Variants in EPS8L2 observed in about 807,000 individuals in gnomAD.
EPS8L2 encodes epidermal growth factor receptor kinase substrate 8-like protein 2.
Under a neutral mutation model 99.4 loss-of-function variants are expected in EPS8L2, and 81 were observed. The observed-to-expected ratio is 0.82, with a 90% CI of 0.68 to 0.98. EPS8L2 has a LOEUF of 0.98. Ranked by LOEUF, EPS8L2 falls within the 50% of genes least tolerant of loss-of-function variation. The pLI, the probability that EPS8L2 is intolerant of heterozygous loss-of-function variation, is 0.00. For missense variants in EPS8L2, 1,155 were observed against 968.8 expected, an observed-to-expected ratio of 1.19 and a Z score of -2.55; for synonymous variants, 509 against 407.3, an observed-to-expected ratio of 1.25 and a Z score of -3.01.
chr11:711,595 C>G (rs1160198508), intron 4 of EPS8L2, among the ~76,000 whole-genome samples: 2 of 152,046 alleles, frequency 1.3e-5, no homozygotes, highest in African/African-American at 2.4e-5. Flanking sequence ...CAATCCTCCC[C>G]CCTCCTAGCC....
rs193111304 is a variant in EPS8L2 at position 715,916 on chromosome 11, G to A, written c.166-4146G>A. On this transcript the variant is annotated intron_variant, in intron 4 of 20. Coordinates refer to ENST00000318562, the MANE Select transcript of EPS8L2 (RefSeq NM_022772.4). ...ATTACAGGCATGAGCCACCGCGCCC[G>A]GCATTGATTCACTTTTCCTACCTGC... 4.1e-4 allele frequency among the ~76,000 whole-genome samples: 62 copies of A among 150,690 alleles called. 1 individual carries two copies. Among genetic ancestry groups the A allele is most frequent in the Admixed American group, 1.8e-3 (27 of 15,048 alleles).
At chr11:723,887 G>A (rs1487942022) in intron 15 of EPS8L2, among the ~76,000 whole-genome samples, 2 of 151,994 alleles carry the variant, frequency 1.3e-5, no homozygotes, top group Non-Finnish European at 2.9e-5. Flanking sequence ...TGCATGGGAA[G>A]CCCCTGACCC....
At chr11:723,184 C>G in intron 14 of EPS8L2, 57 bp from the exon 15 acceptor site, 1 of 863,730 alleles carries the variant, frequency 1.2e-6, no homozygotes, top group Non-Finnish European at 1.9e-6. Flanking sequence ...TATGCCCCCT[C>G]GTCCTGGGAC....
chr11:709,443 T>A lies in EPS8L2; in HGVS notation c.36T>A (p.Gly12=). ...CCGGGGCCGTGAGCTGCTGCCCGGG[T>A]GCCACCAAGTGAGCCCTCCCACCCA... ...SQSGAVSCCP[G]ATNGSLGRSD... The change falls in exon 2 of 21, where the codon GGT becomes GGA. Residue 12 remains glycine, a synonymous_variant. Transcript: ENST00000318562. 6.3e-7 allele frequency: 1 copy of A among 1,597,458 alleles called. No individual in the cohort carries two copies. The highest frequency in any genetic ancestry group is 1.1e-5 in the South Asian group (1 of 88,230).
Position 726,670 on chromosome 11 carries a change from C to T in EPS8L2, c.1986C>T (p.Asn662=). The stretch of plus-strand genomic sequence containing the variant: ...CCGGGCCGCAGCTCTTCTCCCTCAA[C>T]AAGGAGGAGCTGAAGAAAGTGTGCG... ...ILTGPQLFSL[N]KEELKKVCGE... The change falls in exon 20 of 21, where the codon AAC becomes AAT. Residue 662 remains asparagine, a synonymous_variant. Coordinates refer to ENST00000318562, the MANE Select transcript of EPS8L2 (RefSeq NM_022772.4). 4 of 1,573,284 alleles carry T rather than the reference C, an allele frequency of 2.5e-6. No individual in the cohort carries two copies. The East Asian group carries it at 6.9e-5, about 27-fold the overall frequency.
chr11:709,944 A>C (rs1590046108), intron 3 of EPS8L2: 4 of 423,604 alleles, frequency 9.4e-6, no homozygotes, highest in South Asian at 5.6e-5. Flanking sequence ...GCCAGCCCCC[A>C]CCTCCCCCCA....
At chr11:721,759 G>A (rs760196051) in intron 10 of EPS8L2, 68 bp downstream of exon 10, 11 of 1,551,370 alleles carry the variant, frequency 7.1e-6, no homozygotes, top group Admixed American at 3.6e-5. Context: ...GGACAGGGAC[G>A]GGGACGGGGC....
intron 4 of EPS8L2, 104 bp from the exon 5 acceptor site, chr11:719,958 A>T: frequency 8.6e-7 from 1 of 1,165,372 alleles, no homozygotes; most frequent in Non-Finnish European, 1.2e-6. Flanking sequence ...CCCCCTACCC[A>T]GGGTTGGCTG....
At chr11:714,753 T>C (rs941997920) in intron 4 of EPS8L2, among the ~76,000 whole-genome samples, 5 of 152,104 alleles carry the variant, frequency 3.3e-5, no homozygotes, top group African/African-American at 9.7e-5. Context: ...AATCCTCATT[T>C]ATTCCAAGTG....
At chr11:707,604 C>T (rs1009564039) in intron 1 of EPS8L2, among the ~76,000 whole-genome samples, 1 of 152,196 alleles carries the variant, frequency 6.6e-6, no homozygotes, top group African/African-American at 2.4e-5. Flanking sequence ...AGAAGCCTCC[C>T]CAGGGGGGCG....
intron 19 of EPS8L2, 34 bp downstream of exon 19, chr11:726,518 G>A (rs1182109455): frequency 6.6e-7 from 1 of 1,523,198 alleles, no homozygotes; most frequent in Non-Finnish European, 8.8e-7. Context: ...TGGGGCCCGG[G>A]CGAGGGGTGG....
intron 12 of EPS8L2, 28 bp downstream of exon 12, chr11:722,193 G>T (rs112682907): frequency 2.5e-6 from 4 of 1,605,530 alleles, no homozygotes; most frequent in Non-Finnish European, 3.4e-6. Flanking sequence ...GCAGGGGCGC[G>T]CAGGGTGGGG....
At position 721,908 on chromosome 11, in the gene EPS8L2, G is replaced by C. The variant is rs534982611; in HGVS notation, c.901G>C (p.Val301Leu). ...CGCGGTGCCTCCCATGCCAGAGGGCGTCCTCACACTGCGGGCACGGCCCCC... is the reference window on the plus strand; with the variant it reads ...CGCGGTGCCTCCCATGCCAGAGGGCCTCCTCACACTGCGGGCACGGCCCCC... Reference protein sequence around the residue: ...KKGKKAPAEGVLTLRARPPSE... With the variant: ...KKGKKAPAEGLLTLRARPPSE... The change falls in exon 11 of 21, where the codon GTC becomes CTC. Residue 301 changes from valine to leucine, a missense_variant. Transcript: ENST00000318562. 6.3e-7 allele frequency: 1 copy of C among 1,587,732 alleles called. No individual in the cohort carries two copies. The highest frequency in any genetic ancestry group is 8.6e-7 in the Non-Finnish European group (1 of 1,167,712).
chr11:710,699 A>G (rs910320369), intron 4 of EPS8L2, among the ~76,000 whole-genome samples: 1 of 152,254 alleles, frequency 6.6e-6, no homozygotes, highest in Non-Finnish European at 1.5e-5. Context: ...ACTGCACTCC[A>G]GCCTGGGCAC....
chr11:718,284 G>A (rs540198684), intron 4 of EPS8L2, among the ~76,000 whole-genome samples: 1 of 152,176 alleles, frequency 6.6e-6, no homozygotes, highest in South Asian at 2.1e-4. Context: ...AGTGAGCCAA[G>A]ATCACACCAC....
chr11:712,993 T>TGGCCTGGCCCCCAGCC (rs1380237532), intron 4 of EPS8L2, among the ~76,000 whole-genome samples: 8 of 143,714 alleles, frequency 5.6e-5, no homozygotes, highest in African/African-American at 1.7e-4. Context: ...TGGCCCCAGC[T>TGGCCTGGCCCCCAGCC]GGCCTGGCCT....
At position 709,468 on chromosome 11, in the gene EPS8L2, A is replaced by T; in HGVS notation, c.44+17A>T. Reference sequence around the variant, plus strand: ...TGCCACCAAGTGAGCCCTCCCACCCATCCCGAATACCCCACCCTCACCCTC... The same window carrying T: ...TGCCACCAAGTGAGCCCTCCCACCCTTCCCGAATACCCCACCCTCACCCTC... On this transcript the variant is annotated intron_variant, in intron 2 of 20. Transcript: ENST00000318562. The T allele has an allele frequency of 1.5e-6, 1 of 652,544 alleles. No individual in the cohort carries two copies. The highest frequency in any genetic ancestry group is 2.7e-6 in the Non-Finnish European group (1 of 371,854). 40.4% of individuals were successfully genotyped at this position (652,544 alleles called of 1,614,324 possible).
chr11:709,782 G>C (rs1861835090), intron 3 of EPS8L2, 174 bp downstream of exon 3: 1 of 665,510 alleles, frequency 1.5e-6, no homozygotes. Flanking sequence ...CTGGCCACTG[G>C]ATCCCCTCCC....
chr11:717,131 C>A (rs1427564625), intron 4 of EPS8L2, among the ~76,000 whole-genome samples: 1 of 152,144 alleles, frequency 6.6e-6, no homozygotes, highest in South Asian at 2.1e-4. Flanking sequence ...CGCCCACCAC[C>A]ACGCCGGGCT....
Sources: gnomAD v4.1 joint callset for allele counts (sites outside exome capture counted in the v4.1 genomes callset) on GRCh38, gnomAD v4.1.1 for gene constraint, MANE v1.5 for transcripts, NCBI Gene and HGNC (gene_info 2026-07-23, HGNC 2026-07-21) for gene names.